The following ASTN1 variants were observed in gnomAD, a reference collection of about 807,000 sequenced individuals.
The protein encoded by ASTN1 is astrotactin-1.
A neutral mutation model predicts 140.7 loss-of-function variants in ASTN1; 41 were observed. That is an observed-to-expected ratio of 0.29 (90% CI 0.23 to 0.38). ASTN1 has a LOEUF of 0.38. Among genes scored for constraint, ASTN1 ranks in the 10% least tolerant of loss-of-function variants. The pLI is 1.00. For synonymous variants in ASTN1, 640 were observed against 652.2 expected (o/e 0.98, Z 0.29); for missense variants, 1,479 against 1,678.8 (o/e 0.88, Z 2.08).
At chr1:176,896,575 G>A (rs1669515311) in intron 16 of ASTN1, among the ~76,000 whole-genome samples, 1 of 152,144 alleles carries the variant, frequency 6.6e-6, no homozygotes, top group Non-Finnish European at 1.5e-5. Flanking sequence ...GAGTGCGGGT[G>A]GGGTGAGGTC....
chr1:176,987,265 C>T (rs1005151620), intron 8 of ASTN1, among the ~76,000 whole-genome samples: 2 of 152,198 alleles, frequency 1.3e-5, no homozygotes, highest in South Asian at 4.1e-4. Flanking sequence ...TCTGTTGCAA[C>T]TACATAACTC....
At chr1:177,028,447 T>C (rs1173099748) in intron 5 of ASTN1, among the ~76,000 whole-genome samples, 2 of 152,170 alleles carry the variant, frequency 1.3e-5, no homozygotes, top group Admixed American at 6.5e-5. Flanking sequence ...GTTAAGCCTA[T>C]AGAAACTGGA....
At chr1:176,968,424 G>A (rs1672979667) in intron 8 of ASTN1, among the ~76,000 whole-genome samples, 1 of 152,202 alleles carries the variant, frequency 6.6e-6, no homozygotes, top group African/African-American at 2.4e-5. Flanking sequence ...CACATAGGCT[G>A]GAGAGGAGGC....
At chr1:177,158,975 G>A (rs1482482886) in intron 1 of ASTN1, among the ~76,000 whole-genome samples, 23 of 148,296 alleles carry the variant, frequency 1.6e-4, no homozygotes, top group Admixed American at 4.1e-4. Flanking sequence ...GATGAGGCAG[G>A]AGAATTCCTT....
At chr1:177,147,199 T>C (rs1156932545) in intron 1 of ASTN1, among the ~76,000 whole-genome samples, 2 of 152,176 alleles carry the variant, frequency 1.3e-5, no homozygotes, top group African/African-American at 4.8e-5. Context: ...GATTTCTTAA[T>C]ATTATGATGA....
intron 2 of ASTN1, among the ~76,000 whole-genome samples, chr1:177,039,141 A>C (rs1676861162): frequency 6.6e-6 from 1 of 152,232 alleles, no homozygotes; most frequent in African/African-American, 2.4e-5. Flanking sequence ...GACTACAGCC[A>C]ATCAATCAGC....
At chr1:176,879,655 G>C (rs1668708419) in intron 20 of ASTN1, among the ~76,000 whole-genome samples, 1 of 152,174 alleles carries the variant, frequency 6.6e-6, no homozygotes, top group African/African-American at 2.4e-5. Context: ...GCTGACCTAG[G>C]ATGAAAATAC....
intron 8 of ASTN1, among the ~76,000 whole-genome samples, chr1:176,984,508 G>C (rs74667143): frequency 0.022 from 3,297 of 152,232 alleles, 51 homozygotes; most frequent in Middle Eastern, 0.045. Flanking sequence ...ACAGCCTCCA[G>C]GGAAAGACTA....
At chr1:177,158,696 G>A (rs891535741) in intron 1 of ASTN1, among the ~76,000 whole-genome samples, 9 of 143,772 alleles carry the variant, frequency 6.3e-5, no homozygotes, top group Non-Finnish European at 1.4e-4. Flanking sequence ...GTGTGTGTAT[G>A]ATATATATGT....
chr1:176,888,587 G>A (rs1669139094), intron 17 of ASTN1, among the ~76,000 whole-genome samples: 1 of 152,160 alleles, frequency 6.6e-6, no homozygotes, highest in African/African-American at 2.4e-5. Flanking sequence ...TCTGCCCAGA[G>A]GCATTTGCCT....
intron 1 of ASTN1, among the ~76,000 whole-genome samples, chr1:177,131,949 G>A (rs1342890913): frequency 6.6e-6 from 1 of 152,146 alleles, no homozygotes; most frequent in Non-Finnish European, 1.5e-5. Flanking sequence ...TCACCCTGGA[G>A]GAAATGTATA....
chr1:177,145,741 A>G (rs542227703), intron 1 of ASTN1, among the ~76,000 whole-genome samples: 2 of 152,352 alleles, frequency 1.3e-5, no homozygotes, highest in African/African-American at 4.8e-5. Context: ...ATCAGCACCA[A>G]GTTCACAGGC....
At chr1:176,966,983 T>C (rs1050559881) in intron 8 of ASTN1, among the ~76,000 whole-genome samples, 2 of 152,166 alleles carry the variant, frequency 1.3e-5, no homozygotes, top group Non-Finnish European at 2.9e-5. Context: ...TTACAAAATA[T>C]TGATAGTGTT....
chr1:177,106,490 C>T (rs1268409663), intron 1 of ASTN1, among the ~76,000 whole-genome samples: 2 of 152,128 alleles, frequency 1.3e-5, no homozygotes, highest in East Asian at 1.9e-4. Context: ...TAAGTCATTC[C>T]CCACCTCTGC....
intron 16 of ASTN1, among the ~76,000 whole-genome samples, chr1:176,923,133 T>C (rs1305203969): frequency 1.3e-5 from 2 of 152,200 alleles, no homozygotes; most frequent in Non-Finnish European, 2.9e-5. Context: ...AAACCCTTGC[T>C]ACAAACAACT....
chr1:176,888,378 C>T (rs111722567), intron 17 of ASTN1, among the ~76,000 whole-genome samples, 174 bp from the exon 18 acceptor site: 2 of 152,094 alleles, frequency 1.3e-5, no homozygotes, highest in South Asian at 4.1e-4. Flanking sequence ...TTCTGGGAAG[C>T]CTGAGCCTCT....
intron 16 of ASTN1, among the ~76,000 whole-genome samples, chr1:176,918,308 C>A (rs1670576516): frequency 6.6e-6 from 1 of 152,104 alleles, no homozygotes. Flanking sequence ...TTGAATTCAC[C>A]AGAACTCACA....
intron 13 of ASTN1, among the ~76,000 whole-genome samples, chr1:176,944,425 AATTTTTTGT>A (rs527504410): frequency 1.2e-3 from 185 of 152,170 alleles, no homozygotes; most frequent in African/African-American, 4.2e-3. Context: ...ACACCTGGCT[AATTTTTTGT>A]ATTTTTTGTA....
chr1:177,118,734 A>G (rs964926272), intron 1 of ASTN1, among the ~76,000 whole-genome samples: 1 of 152,132 alleles, frequency 6.6e-6, no homozygotes, highest in Non-Finnish European at 1.5e-5. Context: ...TGCCAATATT[A>G]CATGTGTATA....
Sources: allele counts gnomAD v4.1 joint callset (sites outside exome capture counted in the v4.1 genomes callset), GRCh38; gene constraint gnomAD v4.1.1; transcripts MANE v1.5; gene names NCBI Gene and HGNC (gene_info 2026-07-23, HGNC 2026-07-21).